TMPRSS7: variants seen among roughly 807,000 people sequenced by gnomAD.
The protein encoded by TMPRSS7 is transmembrane protease serine 7.
A neutral mutation model predicts 95.6 loss-of-function variants in TMPRSS7; 81 were observed. That is an observed-to-expected ratio of 0.85 (90% CI 0.71 to 1.02). The LOEUF (loss-of-function observed/expected upper bound fraction) is 1.02. Among genes scored for constraint, TMPRSS7 ranks in the 50% least tolerant of loss-of-function variants. The pLI is 0.00. For synonymous variants in TMPRSS7, 364 were observed against 337.8 expected (o/e 1.08, Z -0.85); for missense variants, 945 against 955.2 (o/e 0.99, Z 0.14).
At chr3:112,078,246 A>G (rs1298935061) in intron 16 of TMPRSS7, among the ~76,000 whole-genome samples, 1 of 152,174 alleles carries the variant, frequency 6.6e-6, no homozygotes, top group Non-Finnish European at 1.5e-5. Context: ...TGTTTTCTTT[A>G]TAAGCCTGGG....
Position 112,049,975 on chromosome 3 carries a change from G to A in TMPRSS7, c.1090+1G>A. ...TATTTTGAGGTCATTCCAGAACAAA[G>A]TAAGTCTTCCCCAATTATGGAGAAG... On this transcript the variant is annotated splice_donor_variant, in intron 8 of 17. Transcript: ENST00000452346. LOFTEE classifies it high-confidence loss of function. The A allele has an allele frequency of 6.5e-7, 1 of 1,542,192 alleles. No homozygotes were observed. Among genetic ancestry groups the A allele is most frequent in the Non-Finnish European group, 8.8e-7 (1 of 1,135,428 alleles).
chr3:112,060,564 G>A (rs1157827691), intron 10 of TMPRSS7, among the ~76,000 whole-genome samples: 1 of 152,212 alleles, frequency 6.6e-6, no homozygotes, highest in African/African-American at 2.4e-5. Flanking sequence ...TTTGAAAGAA[G>A]AGAAATATGG....
At chr3:112,081,241 G>A, downstream of TMPRSS7, 2 of 432,254 alleles carry the variant, frequency 4.6e-6, no homozygotes, top group South Asian at 1.2e-4. Flanking sequence ...GACCATCCTG[G>A]CTAACATGGT....
exon 18 of TMPRSS7, chr3:112,081,143 C>G: frequency 6.6e-7 from 1 of 1,516,108 alleles, no homozygotes; most frequent in African/African-American, 1.4e-5. Context: ...TAAAATGATG[C>G]AGTAATTGGC....
chr3:112,077,214 G>A, intron 16 of TMPRSS7, 70 bp downstream of exon 16: 2 of 1,539,500 alleles, frequency 1.3e-6, no homozygotes, highest in Admixed American at 3.6e-5. Flanking sequence ...TAGTGCTTTA[G>A]GGTTCACAGA....
At position 112,054,729 on chromosome 3, in the gene TMPRSS7, C is replaced by CTTTTTTTTTTTTTTTTTTTTTTTTTTT. The variant is rs1161735611; in HGVS notation, c.1204-2293_1204-2267dup. Among the ~76,000 whole-genome samples, 30 of 49,026 alleles carry CTTTTTTTTTTTTTTTTTTTTTTTTTTT rather than the reference C, an allele frequency of 6.1e-4. 12 individuals carry two copies. The highest frequency in any genetic ancestry group is 2.5e-3 in the South Asian group (2 of 786). 32.2% of individuals were successfully genotyped at this position (49,026 alleles called of 152,430 possible). A position where few individuals can be genotyped will look rare whatever the true frequency, so the allele number is the denominator to read the frequency against. ...AACATATTTACTATCTCTCAGTTTG[C>CTTTTTTTTTTTTTTTTTTTTTTTTTTT]TTTTTTTTTTTTTTTTTTTTTTTTT... On this transcript the variant is annotated intron_variant, in intron 9 of 17. Transcript: ENST00000452346.
rs529274015 is a variant in TMPRSS7 at position 112,057,228 on chromosome 3, A to G, written c.1310+97A>G. The G allele has an allele frequency of 1.7e-4, 143 of 852,672 alleles. 1 individual carries two copies. The East Asian group carries it at 3.6e-3, about 21-fold the overall frequency. The allele number at this position is 852,672 out of a possible 1,614,324, so 52.8% of individuals were successfully genotyped here. On this transcript the variant is annotated intron_variant, in intron 10 of 17. Coordinates refer to ENST00000452346, the Ensembl canonical transcript of TMPRSS7. ...TCAAAGAGTTTGCGCTTTACCATTTACAGTTAGGGAAACTGAGGGATATAG... is the reference window on the plus strand; with the variant it reads ...TCAAAGAGTTTGCGCTTTACCATTTGCAGTTAGGGAAACTGAGGGATATAG...
intron 13 of TMPRSS7, among the ~76,000 whole-genome samples, chr3:112,070,113 G>C (rs113568273): frequency 6.6e-6 from 1 of 152,116 alleles, no homozygotes; most frequent in African/African-American, 2.4e-5. Context: ...AGCAGGTTAT[G>C]CAGTTTCCAT....
At chr3:112,042,747 A>G (rs2073225241) in intron 3 of TMPRSS7, among the ~76,000 whole-genome samples, 1 of 152,200 alleles carries the variant, frequency 6.6e-6, no homozygotes, top group Non-Finnish European at 1.5e-5. Context: ...GCTGTTCCCA[A>G]CTTTTGCTAT....
exon 3 of TMPRSS7, chr3:112,041,954 T>A: frequency 6.4e-7 from 1 of 1,551,528 alleles, no homozygotes; most frequent in Non-Finnish European, 8.7e-7. Flanking sequence ...TTTACTTTGC[T>A]GGGATGTTTC....
chr3:112,063,509 T>C lies in TMPRSS7; in HGVS notation c.1448-16T>C. The C allele has an allele frequency of 1.2e-6, 2 of 1,605,920 alleles. No individual in the cohort carries two copies. Among genetic ancestry groups the C allele is most frequent in the Non-Finnish European group, 1.7e-6 (2 of 1,173,454 alleles). Reference sequence around the variant, plus strand: ...TATCCAAGATTTTCTATTTTTTGATTTTTTGTTGCCCATAGCCTGCCCTGT... The same window carrying C: ...TATCCAAGATTTTCTATTTTTTGATCTTTTGTTGCCCATAGCCTGCCCTGT... On this transcript the variant is annotated splice_polypyrimidine_tract_variant and intron_variant, in intron 11 of 17. Coordinates refer to ENST00000452346, the Ensembl canonical transcript of TMPRSS7.
intron 15 of TMPRSS7, among the ~76,000 whole-genome samples, chr3:112,076,661 TA>T (rs2073712673): frequency 1.3e-5 from 2 of 152,240 alleles, no homozygotes; most frequent in South Asian, 4.1e-4. Flanking sequence ...TTGCCACTCC[TA>T]ATACAGCTTA....
chr3:112,076,944 C>A, exon 16 of TMPRSS7: 1 of 1,614,188 alleles, frequency 6.2e-7, no homozygotes, highest in Non-Finnish European at 8.5e-7. Flanking sequence ...AAGTTTGTCT[C>A]CCCGGTGAGA....
upstream of TMPRSS7, chr3:112,034,838 G>A (rs529719728): frequency 2.2e-4 from 152 of 702,672 alleles, no homozygotes; most frequent in Non-Finnish European, 3.5e-4. Flanking sequence ...CACACAAAAC[G>A]CCTAATAATG....
chr3:112,043,571 T>C (rs2073238600), intron 3 of TMPRSS7, among the ~76,000 whole-genome samples: 1 of 152,224 alleles, frequency 6.6e-6, no homozygotes, highest in Admixed American at 6.5e-5. Flanking sequence ...AAGGGTTAAA[T>C]TTTTTTGTTT....
chr3:112,050,666 T>G lies in TMPRSS7; in HGVS notation c.1091-5T>G, dbSNP rs963563078. The G allele has an allele frequency of 6.4e-7, 1 of 1,565,238 alleles. No individual in the cohort carries two copies. On this transcript the variant is annotated splice_region_variant and splice_polypyrimidine_tract_variant and intron_variant, in intron 8 of 17. Transcript: ENST00000452346. ...TCATTGTGTGTCACTGGGTATCTTT[T>G]CCAGAGTGTGAAAACACAGTGTTGG...
chr3:112,044,188 C>A, intron 3 of TMPRSS7, 67 bp from the exon 4 acceptor site: 1 of 1,181,700 alleles, frequency 8.5e-7, no homozygotes, highest in Non-Finnish European at 1.2e-6. Context: ...GGGCCTACAA[C>A]ATTTAAGATA....
At chr3:112,066,426 C>T in exon 13 of TMPRSS7, 2 of 1,614,064 alleles carry the variant, frequency 1.2e-6, no homozygotes, top group Non-Finnish European at 1.7e-6. Context: ...CCAGCTCCTT[C>T]AGGCAGCATG....
chr3:112,065,195 C>A (rs1157150024), intron 12 of TMPRSS7, among the ~76,000 whole-genome samples: 1 of 152,082 alleles, frequency 6.6e-6, no homozygotes, highest in African/African-American at 2.4e-5. Context: ...CGCACACCAC[C>A]AATGCCACTA....
Sources: gnomAD v4.1 joint callset for allele counts (sites outside exome capture counted in the v4.1 genomes callset) on GRCh38, gnomAD v4.1.1 for gene constraint, MANE v1.5 for transcripts, NCBI Gene and HGNC (gene_info 2026-07-23, HGNC 2026-07-21) for gene names.